Variants in OTUD7A observed in about 807,000 individuals in gnomAD.
OTUD7A encodes OTU deubiquitinase 7A, also known as OTU domain-containing protein 7A.
A neutral mutation model predicts 65.7 loss-of-function variants in OTUD7A; 12 were observed. The ratio of observed to expected loss-of-function variants is 0.18; its 90% CI spans 0.12 to 0.30. OTUD7A has a LOEUF of 0.30. Ranked by LOEUF, OTUD7A falls within the 10% of genes least tolerant of loss-of-function variation. The pLI, the probability that OTUD7A is intolerant of heterozygous loss-of-function variation, is 1.00. For synonymous variants in OTUD7A, 641 were observed against 586.3 expected (o/e 1.09, Z -1.35); for missense variants, 1,148 against 1,304.8 (o/e 0.88, Z 1.85).
chr15:31,501,708 C>T lies in OTUD7A; in HGVS notation c.1153G>A (p.Asp385Asn). The T allele has an allele frequency of 1.2e-6, 2 of 1,614,226 alleles. No homozygotes were observed. The highest frequency in any genetic ancestry group is 1.3e-5 in the African/African-American group (1 of 75,052). ...FSALVSMEQR[D>N]QQREQAVIPL... ...GGCATACCTTGTTCTCTTTGCTGGT[C>T]TCTCTGTTCCATGGACACAAGGGCA... Residue 385 changes from aspartate (D) to asparagine (N), a missense_variant, in exon 10 of 13, where the codon GAC becomes AAC. By Grantham distance (23) the Asp-to-Asn change is conservative. Around this residue, in one of 6 missense-constraint regions of OTUD7A, gnomAD observed 58 missense variants for 131.4 expected, o/e 0.44. Coordinates refer to ENST00000307050, the MANE Select transcript of OTUD7A (RefSeq NM_001382637.1).
intron 3 of OTUD7A, among the ~76,000 whole-genome samples, chr15:31,580,715 C>G (rs538283565): frequency 1.3e-5 from 2 of 152,256 alleles, no homozygotes; most frequent in African/African-American, 4.8e-5. Context: ...ACCATCAGAT[C>G]TTGTGAGACT....
chr15:31,594,577 A>G (rs1317682534), intron 3 of OTUD7A, among the ~76,000 whole-genome samples: 2 of 152,154 alleles, frequency 1.3e-5, no homozygotes, highest in Admixed American at 6.5e-5. Context: ...ACAGTTAGAG[A>G]GCTGGCGTGG....
At chr15:31,837,494 C>A (rs1897084510) in intron 1 of OTUD7A, among the ~76,000 whole-genome samples, 1 of 151,674 alleles carries the variant, frequency 6.6e-6, no homozygotes, top group Non-Finnish European at 1.5e-5. Flanking sequence ...TGCAGTGGGG[C>A]AAGATTGTGC....
In OTUD7A at chr15:31,559,116, T is replaced by C. The variant is rs756615752; in HGVS notation, c.403A>G (p.Ser135Gly). The change falls in exon 5 of 13, where the codon AGT becomes GGT. Residue 135 changes from serine (S) to glycine (G), a missense_variant. Physicochemically the swap from Ser to Gly is moderately conservative, Grantham distance 56 (BLOSUM62 0). Coordinates refer to ENST00000307050, the MANE Select transcript of OTUD7A (RefSeq NM_001382637.1). ...GGGAACTGCTCGTTGTTGCATTCAC[T>C]TGCCACGTGGGACCGGGCCAGGGAG... is the stretch of plus-strand genomic sequence containing the variant. ...IVSLARSHVA[S>G]ECNNEQFPLE... The C allele has an allele frequency of 6.2e-7, 1 of 1,614,168 alleles. No homozygotes were observed. Among genetic ancestry groups the C allele is most frequent in the East Asian group, 2.2e-5 (1 of 44,886 alleles).
rs535696010 is a variant in OTUD7A, at chr15:31,668,232, A to C, written c.-99-11155T>G. On this transcript the variant is annotated intron_variant, in intron 1 of 12. Coordinates refer to ENST00000307050, the MANE Select transcript of OTUD7A (RefSeq NM_001382637.1). ...AAGTTTTCCTCCATTATTCCCCCCA[A>C]ATATATTTTTCCAAGCTTTTAGAAA... Among the ~76,000 whole-genome samples the C allele has an allele frequency of 2.6e-5, 4 of 152,268 alleles. No individual in the cohort carries two copies. In the South Asian group the frequency reaches 6.2e-4, roughly 24 times the overall value.
At chr15:31,538,298 A>T (rs560160203) in intron 5 of OTUD7A, among the ~76,000 whole-genome samples, 1 of 152,332 alleles carries the variant, frequency 6.6e-6, no homozygotes, top group Non-Finnish European at 1.5e-5. Context: ...TGGGTCCTCC[A>T]TAACACTGTG....
At chr15:31,564,092 A>C (rs1230483627) in intron 4 of OTUD7A, among the ~76,000 whole-genome samples, 1 of 135,020 alleles carries the variant, frequency 7.4e-6, no homozygotes, top group African/African-American at 2.7e-5. Context: ...TAATAAAGAC[A>C]AAGAATTAAC....
intron 3 of OTUD7A, among the ~76,000 whole-genome samples, chr15:31,605,368 T>C (rs1890210169): frequency 6.6e-6 from 1 of 152,122 alleles, no homozygotes; most frequent in East Asian, 1.9e-4. Flanking sequence ...AGGGGTGTGC[T>C]GGGGACAGTG....
chr15:31,772,034 C>A (rs924274320), intron 1 of OTUD7A, among the ~76,000 whole-genome samples: 2 of 151,916 alleles, frequency 1.3e-5, no homozygotes, highest in Non-Finnish European at 2.9e-5. Flanking sequence ...GGGCGGATCA[C>A]GAGGTCAGGA....
At chr15:31,833,914 CT>C (rs1294092126) in intron 1 of OTUD7A, among the ~76,000 whole-genome samples, 1 of 152,194 alleles carries the variant, frequency 6.6e-6, no homozygotes, top group East Asian at 1.9e-4. Flanking sequence ...CCCCGCTCTG[CT>C]TTTTGGGGGG....
At chr15:31,865,665 CACAG>C (rs1897858603) in intron 1 of OTUD7A, among the ~76,000 whole-genome samples, 2 of 152,142 alleles carry the variant, frequency 1.3e-5, no homozygotes, top group African/African-American at 4.8e-5. Context: ...CTGTCTGCAC[CACAG>C]ACAGACGTCT....
At chr15:31,851,633 T>C (rs1229984761) in intron 1 of OTUD7A, among the ~76,000 whole-genome samples, 1 of 152,052 alleles carries the variant, frequency 6.6e-6, no homozygotes, top group Non-Finnish European at 1.5e-5. Flanking sequence ...CATGATGGAG[T>C]TGGATGGAGG....
At chr15:31,849,120 CT>C (rs760436664) in intron 1 of OTUD7A, among the ~76,000 whole-genome samples, 1 of 152,168 alleles carries the variant, frequency 6.6e-6, no homozygotes, top group African/African-American at 2.4e-5. Context: ...GTAACCCGAC[CT>C]TTCTCTCTGG....
intron 1 of OTUD7A, among the ~76,000 whole-genome samples, chr15:31,815,629 T>C (rs1421987188): frequency 2.0e-5 from 3 of 152,218 alleles, no homozygotes; most frequent in African/African-American, 4.8e-5. Context: ...CTCTGGTCTA[T>C]GGTTGGGTCC....
chr15:31,794,790 G>C (rs1233141067), intron 1 of OTUD7A, among the ~76,000 whole-genome samples: 1 of 152,172 alleles, frequency 6.6e-6, no homozygotes, highest in Non-Finnish European at 1.5e-5. Flanking sequence ...CATAAGAAGA[G>C]AGCCAATCTT....
chr15:31,558,813 C>G (rs575235280), intron 5 of OTUD7A, 156 bp downstream of exon 5: 1 of 782,188 alleles, frequency 1.3e-6, no homozygotes, highest in East Asian at 2.7e-5. Context: ...ACTGTCGGCC[C>G]GTAGAGCAGG....
intron 3 of OTUD7A, among the ~76,000 whole-genome samples, chr15:31,617,558 A>C (rs1890630678): frequency 6.6e-6 from 1 of 152,166 alleles, no homozygotes; most frequent in Non-Finnish European, 1.5e-5. Context: ...GTCTATGTGC[A>C]AAAGAAGGCA....
intron 1 of OTUD7A, among the ~76,000 whole-genome samples, chr15:31,672,612 C>CA (rs1286792982): frequency 6.6e-6 from 1 of 152,184 alleles, no homozygotes; most frequent in African/African-American, 2.4e-5. Flanking sequence ...TAAGGATTCC[C>CA]ACATAGACTC....
chr15:31,722,713 T>C (rs1566988875), intron 1 of OTUD7A, among the ~76,000 whole-genome samples: 1 of 152,242 alleles, frequency 6.6e-6, no homozygotes, highest in Non-Finnish European at 1.5e-5. Context: ...TGAGCCAGGC[T>C]GGGCTGCAGG....
Sources: allele counts gnomAD v4.1 joint callset (sites outside exome capture counted in the v4.1 genomes callset), GRCh38; gene constraint gnomAD v4.1.1; regional missense constraint gnomAD v4.1.1; transcripts MANE v1.5; gene names NCBI Gene and HGNC (gene_info 2026-07-23, HGNC 2026-07-21).